Variants in LARGE1 observed in about 807,000 individuals in gnomAD.
LARGE1 encodes the protein LARGE xylosyl- and glucuronyltransferase 1.
Under a neutral mutation model 87.6 loss-of-function variants are expected in LARGE1, and 43 were observed. The ratio of observed to expected loss-of-function variants is 0.49; its 90% CI spans 0.38 to 0.63. LARGE1 has a LOEUF of 0.63. Among genes scored for constraint, LARGE1 ranks in the 30% least tolerant of loss-of-function variants. LARGE1 has a pLI of 0.00. For missense variants in LARGE1, 802 were observed against 1,000.2 expected, an observed-to-expected ratio of 0.80 and a Z score of 2.67; for synonymous variants, 434 against 394.6, an observed-to-expected ratio of 1.10 and a Z score of -1.18.
In LARGE1 at chr22:33,277,597, G is replaced by C. The variant is rs138766718; in HGVS notation, c.1878-342C>G. Among the ~76,000 whole-genome samples the C allele has an allele frequency of 4.0e-3, 615 of 152,272 alleles. 3 individuals carry two copies. The highest frequency in any genetic ancestry group is 0.014 in the African/African-American group (585 of 41,544). ...GACATTGGGAGAGATTGGATGACGGGTGCATCTATAAATCAAAGATTGCTA... is the reference window on the plus strand; with the variant it reads ...GACATTGGGAGAGATTGGATGACGGCTGCATCTATAAATCAAAGATTGCTA... On this transcript the variant is annotated intron_variant, in intron 13 of 14. Transcript: ENST00000397394.
At chr22:33,535,732 G>C (rs1157572684) in intron 6 of LARGE1, among the ~76,000 whole-genome samples, 1 of 152,036 alleles carries the variant, frequency 6.6e-6, no homozygotes, top group African/African-American at 2.4e-5. Context: ...ACCTCTCACG[G>C]CTGAGCCCTG....
At chr22:33,291,998 G>A (rs905650447) in intron 12 of LARGE1, among the ~76,000 whole-genome samples, 3 of 152,188 alleles carry the variant, frequency 2.0e-5, no homozygotes, top group Non-Finnish European at 4.4e-5. Context: ...GGAGGCTGAT[G>A]CAGGAGAATC....
At chr22:33,469,991 G>A (rs1019362153) in intron 6 of LARGE1, among the ~76,000 whole-genome samples, 4 of 145,328 alleles carry the variant, frequency 2.8e-5, no homozygotes, top group African/African-American at 7.6e-5. Context: ...CCGGGTTCAC[G>A]CCATTCTCCT....
chr22:33,650,587 T>G lies in LARGE1; in HGVS notation c.188A>C (p.Glu63Ala), dbSNP rs539747006. ...RYTASSQRER[E>A]SLEVRMREVE... is the part of the protein sequence containing the mutation. ...CTCGCGCATGCGCACCTCCAGGCTC[T>G]CGCGCTCCCGCTGGCTGGAGGCCGT... The change falls in exon 3 of 15, where the codon GAG (glutamate) becomes GCG (alanine). Residue 63 changes from glutamate to alanine, a missense_variant. Physicochemically the swap from Glu to Ala is moderately radical, Grantham distance 107 (BLOSUM62 -1). Coordinates refer to ENST00000397394, the MANE Select transcript of LARGE1 (RefSeq NM_133642.5). The G allele has an allele frequency of 6.2e-7, 1 of 1,606,090 alleles. No homozygotes were observed. The highest frequency in any genetic ancestry group is 1.7e-5 in the Admixed American group (1 of 60,028).
At chr22:33,622,169 C>T (rs193070819) in intron 4 of LARGE1, among the ~76,000 whole-genome samples, 27 of 152,232 alleles carry the variant, frequency 1.8e-4, no homozygotes, top group African/African-American at 6.0e-4. Flanking sequence ...ATTGTAATTC[C>T]TATAATCCCC....
At chr22:33,369,673 A>G (rs1358111310) in intron 9 of LARGE1, among the ~76,000 whole-genome samples, 2 of 152,152 alleles carry the variant, frequency 1.3e-5, no homozygotes, top group Non-Finnish European at 2.9e-5. Context: ...GGTTCAAGCA[A>G]TTCGCCTGCC....
At chr22:33,352,008 A>G (rs989084929) in intron 9 of LARGE1, among the ~76,000 whole-genome samples, 1 of 152,176 alleles carries the variant, frequency 6.6e-6, no homozygotes, top group African/African-American at 2.4e-5. Flanking sequence ...AAGTGCTGGG[A>G]TTACAGGCGT....
At chr22:33,721,990 G>T (rs1196560068) in intron 2 of LARGE1, among the ~76,000 whole-genome samples, 2 of 152,150 alleles carry the variant, frequency 1.3e-5, no homozygotes, top group Admixed American at 6.5e-5. Flanking sequence ...AGTGGCTCAC[G>T]CCTGTAATCC....
At chr22:33,256,362 AAC>A (rs1473980092) in intron 11 of LARGE1, among the ~76,000 whole-genome samples, 1 of 152,230 alleles carries the variant, frequency 6.6e-6, no homozygotes, top group Non-Finnish European at 1.5e-5. Context: ...AGTTGAAAAG[AAC>A]ACAGAGAGAA....
intron 6 of LARGE1, among the ~76,000 whole-genome samples, chr22:33,551,630 C>G (rs2077523516): frequency 6.6e-6 from 1 of 152,154 alleles, no homozygotes; most frequent in African/African-American, 2.4e-5. Flanking sequence ...ATTCATTCAA[C>G]AAGCCATTTG....
At chr22:33,194,271 T>C (rs74357232) in intron 11 of LARGE1, among the ~76,000 whole-genome samples, 3,567 of 152,264 alleles carry the variant, frequency 0.023, 103 homozygotes, top group African/African-American at 0.077. Flanking sequence ...CAGAAGAAAG[T>C]GCTTTGAAAA....
chr22:33,080,855 G>A, the LARGE1 span, among the ~76,000 whole-genome samples: 5 of 152,054 alleles, frequency 3.3e-5, no homozygotes, highest in African/African-American at 1.2e-4. Flanking sequence ...TCTGTAAAAT[G>A]GGAAAAGAAA....
chr22:33,664,051 C>T (rs2081202226), intron 2 of LARGE1, among the ~76,000 whole-genome samples: 2 of 152,184 alleles, frequency 1.3e-5, no homozygotes, highest in Non-Finnish European at 2.9e-5. Context: ...GGCTCTCACC[C>T]CATGTGTAAC....
At chr22:33,868,757 C>G (rs1443350379) in intron 1 of LARGE1, among the ~76,000 whole-genome samples, 4 of 152,186 alleles carry the variant, frequency 2.6e-5, no homozygotes, top group Non-Finnish European at 1.5e-5. Flanking sequence ...CCTATCATGT[C>G]AAATCCCAAC....
chr22:33,184,051 G>A (rs1923337509), intron 11 of LARGE1, among the ~76,000 whole-genome samples: 1 of 131,220 alleles, frequency 7.6e-6, no homozygotes, highest in African/African-American at 2.8e-5. Context: ...GGGTAGTGAT[G>A]GGTGTGTTAA....
At chr22:33,630,955 C>A (rs962981704) in intron 3 of LARGE1, among the ~76,000 whole-genome samples, 2 of 151,926 alleles carry the variant, frequency 1.3e-5, no homozygotes, top group East Asian at 1.9e-4. Context: ...CGGGCTCAAG[C>A]GATTCTCCTG....
At chr22:33,511,182 C>T (rs368230701) in intron 6 of LARGE1, among the ~76,000 whole-genome samples, 11 of 152,168 alleles carry the variant, frequency 7.2e-5, no homozygotes, top group African/African-American at 1.7e-4. Flanking sequence ...TATCTTCACA[C>T]GCAGCTTTTA....
intron 6 of LARGE1, among the ~76,000 whole-genome samples, chr22:33,457,981 G>A (rs1052014725): frequency 1.3e-5 from 2 of 152,132 alleles, no homozygotes; most frequent in Non-Finnish European, 2.9e-5. Context: ...GTTTGCTCTT[G>A]TCAAATGAGG....
At chr22:33,747,185 A>G (rs1309267442) in intron 2 of LARGE1, among the ~76,000 whole-genome samples, 2 of 152,214 alleles carry the variant, frequency 1.3e-5, no homozygotes, top group African/African-American at 4.8e-5. Flanking sequence ...AGGCAAGTCC[A>G]GATTGAAAGG....
Sources: allele counts gnomAD v4.1 joint callset (sites outside exome capture counted in the v4.1 genomes callset), GRCh38; gene constraint gnomAD v4.1.1; transcripts MANE v1.5; gene names NCBI Gene and HGNC (gene_info 2026-07-23, HGNC 2026-07-21).